The following PEX16 variants were observed in gnomAD, a reference collection of about 807,000 sequenced individuals.
PEX16 encodes peroxin 16.
In PEX16, 37 loss-of-function variants were observed where a neutral mutation model predicts 50.5. The observed-to-expected ratio is 0.73, with a 90% CI of 0.56 to 0.96. PEX16 has a LOEUF of 0.96. PEX16 is among the 40% of genes least tolerant of loss of function. PEX16 has a pLI of 0.00. For missense variants in PEX16, 401 were observed against 438.3 expected (o/e 0.91, Z 0.76); for synonymous variants, 185 against 190.3 (o/e 0.97, Z 0.23).
In PEX16 at chr11:45,909,815, C is replaced by A; in HGVS notation, c.*439G>T. On this transcript the variant is annotated 3_prime_UTR_variant, in exon 11 of 11. Transcript: ENST00000378750. ...GGGCTGCCAGAGCCACAGGGCCCTG[C>A]GGAGAAGGGGCAGACGGAGGGCCCC... 1.9e-6 allele frequency: 1 copy of A among 527,438 alleles called. No individual in the cohort carries two copies. The highest frequency in any genetic ancestry group is 3.3e-5 in the East Asian group (1 of 30,592). 32.7% of individuals were successfully genotyped at this position (527,438 alleles called of 1,614,324 possible). A position where few individuals can be genotyped will look rare whatever the true frequency, so the allele number is the denominator to read the frequency against.
At position 45,914,300 on chromosome 11, in the gene PEX16, C is replaced by A; in HGVS notation, c.694+16G>T. 6.2e-7 allele frequency: 1 copy of A among 1,613,560 alleles called. No individual in the cohort carries two copies. The highest frequency in any genetic ancestry group is 1.1e-5 in the South Asian group (1 of 91,086). On this transcript the variant is annotated intron_variant, in intron 7 of 10. Coordinates refer to ENST00000378750, the MANE Select transcript of PEX16 (RefSeq NM_004813.4). The stretch of plus-strand genomic sequence containing the variant: ...GCCCACAGTGCCAGCCCTATCCTGC[C>A]CCGCGCTAAGGATACAGTGCAGCAG...
Position 45,915,760 on chromosome 11 carries a change from G to A in PEX16, c.302C>T (p.Ala101Val), listed in dbSNP as rs1273125848. Reference protein sequence around the residue: ...CVEVFMEMGAAKVWGEVGRWL... With the variant: ...CVEVFMEMGAVKVWGEVGRWL... ...GCGGCCCACTTCACCCCACACCTTG[G>A]CAGCTCCCATCTCCATGAACACCTC... Residue 101 changes from alanine (A) to valine (V), a missense_variant, in exon 4 of 11, where the codon GCC becomes GTC. Coordinates refer to ENST00000378750, the MANE Select transcript of PEX16 (RefSeq NM_004813.4). 2 of 1,614,018 alleles carry A rather than the reference G, an allele frequency of 1.2e-6. No homozygotes were observed. The highest frequency in any genetic ancestry group is 2.7e-5 in the African/African-American group (2 of 75,006).
At chr11:45,912,713 AG>A (rs1442011852) in intron 9 of PEX16, among the ~76,000 whole-genome samples, 1 of 152,062 alleles carries the variant, frequency 6.6e-6, no homozygotes, top group African/African-American at 2.4e-5. Context: ...CATGTTAGCC[AG>A]GATGGTCTCT....
chr11:45,916,795 A>C (rs2086840928), intron 2 of PEX16, among the ~76,000 whole-genome samples: 1 of 152,088 alleles, frequency 6.6e-6, no homozygotes, highest in South Asian at 2.1e-4. Flanking sequence ...TCAGCCTCTC[A>C]AGTAGCTGGG....
chr11:45,910,246 G>C lies in PEX16; in HGVS notation c.*8C>G. On this transcript the variant is annotated 3_prime_UTR_variant, in exon 11 of 11. Transcript: ENST00000378750. ...ACCCCTCCCCACACCCTCCTTCCGGGAGGTCTGTCAGCCCCAACTGTAGAA... is the reference window on the plus strand; with the variant it reads ...ACCCCTCCCCACACCCTCCTTCCGGCAGGTCTGTCAGCCCCAACTGTAGAA... The C allele has an allele frequency of 6.2e-7, 1 of 1,613,806 alleles. No individual in the cohort carries two copies. The highest frequency in any genetic ancestry group is 8.5e-7 in the Non-Finnish European group (1 of 1,179,920).
rs147332976 is a variant in PEX16, at chr11:45,914,646, C to G, written c.499G>C (p.Val167Leu). 1.9e-6 allele frequency: 3 copies of G among 1,614,098 alleles called. No homozygotes were observed. The highest frequency in any genetic ancestry group is 1.3e-5 in the African/African-American group (1 of 74,952). Residue 167 changes from valine to leucine, a missense_variant, in exon 6 of 11, where the codon GTG (valine) becomes CTG (leucine). Transcript: ENST00000378750. The stretch of plus-strand genomic sequence containing the variant: ...ACCACCCGGTTTGACCGCTTCCCCA[C>G]GTAGGACTGCTCATGGTTGCCAGGG... ...HSPGNHEQSY[V>L]GKRSNRVVRT...
rs1233170343 is a variant in PEX16 at position 45,916,164 on chromosome 11, A to G, written c.225+63T>C. 9 of 1,191,938 alleles carry G rather than the reference A, an allele frequency of 7.6e-6. No homozygotes were observed. In the African/African-American group the frequency reaches 1.3e-4, roughly 18 times the overall value. The allele number at this position is 1,191,938 out of a possible 1,614,324, so 73.8% of individuals were successfully genotyped here. ...GAGACATGTGCTGCACGCATGGGCT[A>G]GCTGCTACTATTTCATTCCTGAGTC... On this transcript the variant is annotated intron_variant, in intron 3 of 10. Coordinates refer to ENST00000378750, the MANE Select transcript of PEX16 (RefSeq NM_004813.4).
In PEX16 at chr11:45,915,497, A is replaced by G. The variant is rs1445442724; in HGVS notation, c.431T>C (p.Leu144Pro). The G allele has an allele frequency of 1.9e-6, 3 of 1,614,110 alleles. No individual in the cohort carries two copies. The highest frequency in any genetic ancestry group is 2.5e-6 in the Non-Finnish European group (3 of 1,179,996). Residue 144 changes from leucine (L) to proline (P), a missense_variant, in exon 5 of 11, where the codon CTG becomes CCG. Leu to Pro is a moderately conservative substitution (Grantham distance 98). Transcript: ENST00000378750. Reference protein sequence around the residue: ...GLQTSPPIVPLDRETQAQPPD... With the variant: ...GLQTSPPIVPPDRETQAQPPD... ...GGGCTGTGCCTGGGTCTCTCTGTCC[A>G]GTGGAACGATAGGGGGTGAAGTCTG...
At position 45,914,488 on chromosome 11, in the gene PEX16, G is replaced by T. The variant is rs748963153; in HGVS notation, c.542-20C>A. On this transcript the variant is annotated intron_variant, in intron 6 of 10. Coordinates refer to ENST00000378750, the MANE Select transcript of PEX16 (RefSeq NM_004813.4). ...ACGGCGCTAGAACACAAGGGCGGCAGATGAGCGAGCCAGGCCCAGGCTGGG... is the reference window on the plus strand; with the variant it reads ...ACGGCGCTAGAACACAAGGGCGGCATATGAGCGAGCCAGGCCCAGGCTGGG... 1 of 1,608,734 alleles carries T rather than the reference G, an allele frequency of 6.2e-7. No individual in the cohort carries two copies. The highest frequency in any genetic ancestry group is 1.7e-5 in the Admixed American group (1 of 60,000).
intron 9 of PEX16, among the ~76,000 whole-genome samples, chr11:45,912,980 G>A (rs572063972): frequency 8.2e-4 from 120 of 146,074 alleles, no homozygotes; most frequent in African/African-American, 3.0e-3. Flanking sequence ...ACACCACCAT[G>A]TCTGGCTAAT....
At chr11:45,918,357 C>G, upstream of PEX16, 1 of 183,026 alleles carries the variant, frequency 5.5e-6, no homozygotes, top group South Asian at 9.1e-5. Context: ...CACTGTGTCT[C>G]AGCAGGCGCG....
At position 45,915,459 on chromosome 11, in the gene PEX16, G is replaced by A. The variant is rs1276964784; in HGVS notation, c.460+9C>T. On this transcript the variant is annotated intron_variant, in intron 5 of 10. Transcript: ENST00000378750. ...CCATTCCGCTCCAGGGCTTGGGGAA[G>A]TAGCTCACCCGGGGGCTGTGCCTGG... 1 of 1,610,322 alleles carries A rather than the reference G, an allele frequency of 6.2e-7. No homozygotes were observed. Among genetic ancestry groups the A allele is most frequent in the Admixed American group, 1.7e-5 (1 of 60,020 alleles).
At chr11:45,917,029 C>A (rs1406697029) in intron 2 of PEX16, 130 of 483,358 alleles carry the variant, frequency 2.7e-4, no homozygotes, top group Non-Finnish European at 8.1e-6. Context: ...AGTCACTGGG[C>A]AAACACTCTT....
At position 45,910,086 on chromosome 11, in the gene PEX16, C is replaced by A; in HGVS notation, c.*168G>T. 6.2e-7 allele frequency: 1 copy of A among 1,610,206 alleles called. No individual in the cohort carries two copies. On this transcript the variant is annotated 3_prime_UTR_variant, in exon 11 of 11. Coordinates refer to ENST00000378750, the MANE Select transcript of PEX16 (RefSeq NM_004813.4). ...GCAGTGGCATCGTCACAGGAGAGCG[C>A]AGTCAAGGGTGTCCTGGGAGGAACG...
rs1377019967 is a variant in PEX16 at position 45,914,594 on chromosome 11, C to A, written c.541+10G>T. 4 of 1,614,072 alleles carry A rather than the reference C, an allele frequency of 2.5e-6. No homozygotes were observed. In the South Asian group the frequency reaches 3.3e-5, roughly 13 times the overall value. On this transcript the variant is annotated intron_variant, in intron 6 of 10. Coordinates refer to ENST00000378750, the MANE Select transcript of PEX16 (RefSeq NM_004813.4). Reference sequence around the variant, plus strand: ...CCTAGGTGCCCAGGCCAGCCACATCCTCCACTTACTGTTCTGGAGGGTTCG... The same window carrying A: ...CCTAGGTGCCCAGGCCAGCCACATCATCCACTTACTGTTCTGGAGGGTTCG...
At chr11:45,914,495 G>A (rs775355323) in intron 6 of PEX16, 27 bp from the exon 7 acceptor site, 4 of 1,608,450 alleles carry the variant, frequency 2.5e-6, no homozygotes, top group Admixed American at 1.7e-5. Flanking sequence ...GCAGATGAGC[G>A]AGCCAGGCCC....
intron 9 of PEX16, among the ~76,000 whole-genome samples, chr11:45,911,175 C>T (rs1377689148): frequency 1.3e-5 from 2 of 152,224 alleles, no homozygotes; most frequent in Non-Finnish European, 2.9e-5. Flanking sequence ...AGCTCAGCTT[C>T]GGGGTGGCCG....
At chr11:45,917,076 G>A in intron 2 of PEX16, 2 of 542,584 alleles carry the variant, frequency 3.7e-6, no homozygotes, top group Non-Finnish European at 7.1e-6. Flanking sequence ...GAATCTGGGA[G>A]ATCTAGACTT....
Position 45,912,692 on chromosome 11 carries a change from C to T in PEX16, c.887+1127G>A, listed in dbSNP as rs559567524. 1.1e-4 allele frequency among the ~76,000 whole-genome samples: 16 copies of T among 152,152 alleles called. No individual in the cohort carries two copies. The South Asian group carries it at 3.3e-3, about 31-fold the overall frequency. On this transcript the variant is annotated intron_variant, in intron 9 of 10. Transcript: ENST00000378750. ...CTAATTTTTGTATTTTTAGTAAAGA[C>T]AGGGTTTCACCATGTTAGCCAGGAT...
Sources: allele counts gnomAD v4.1 joint callset (sites outside exome capture counted in the v4.1 genomes callset), GRCh38; gene constraint gnomAD v4.1.1; transcripts MANE v1.5; gene names NCBI Gene and HGNC (gene_info 2026-07-23, HGNC 2026-07-21).